Variants in SENP6 observed in about 807,000 individuals in gnomAD.
SENP6 encodes the protein sentrin-specific protease 6.
In SENP6, 41 loss-of-function variants were observed where a neutral mutation model predicts 134.5. The ratio of observed to expected loss-of-function variants is 0.30; its 90% CI spans 0.24 to 0.40. The LOEUF is 0.40. SENP6 is among the 10% of genes least tolerant of loss of function. SENP6 has a pLI of 1.00. For missense variants in SENP6, 1,248 were observed against 1,312.5 expected, an observed-to-expected ratio of 0.95 and a Z score of 0.76; for synonymous variants, 395 against 429.8, an observed-to-expected ratio of 0.92 and a Z score of 1.00.
In SENP6 at chr6:75,602,174, G is replaced by T; in HGVS notation, c.-351G>T. 1 of 246,070 alleles carries T rather than the reference G, an allele frequency of 4.1e-6. No individual in the cohort carries two copies. The highest frequency in any genetic ancestry group is 7.7e-6 in the Non-Finnish European group (1 of 129,478). 15.2% of individuals were successfully genotyped at this position (246,070 alleles called of 1,614,324 possible). A position where few individuals can be genotyped will look rare whatever the true frequency, so the allele number is the denominator to read the frequency against. On this transcript the variant is annotated 5_prime_UTR_variant, in exon 1 of 24. Transcript: ENST00000447266. Reference sequence around the variant, plus strand: ...TCTCCTTTCTTGGGAACCCACGGCTGGGGGAAGTTTCTCAGGCAGCCTGGG... The same window carrying T: ...TCTCCTTTCTTGGGAACCCACGGCTTGGGGAAGTTTCTCAGGCAGCCTGGG...
In SENP6 at chr6:75,705,924, CCTTTTT is replaced by C. The variant is rs1185906046; in HGVS notation, c.2716+2853_2716+2858del. ...AGTGAGTTAGAAAGCTATTTTTGAG[CCTTTTT>C]TTTTTTTTTTTTTTTTTTTTTTTTG... On this transcript the variant is annotated intron_variant, in intron 19 of 23. Coordinates refer to ENST00000447266, the MANE Select transcript of SENP6 (RefSeq NM_015571.4). Among the ~76,000 whole-genome samples the C allele has an allele frequency of 8.3e-4, 74 of 89,280 alleles. 7 individuals carry two copies. Among genetic ancestry groups the C allele is most frequent in the South Asian group, 7.0e-3 (19 of 2,724 alleles). The allele number at this position is 89,280 out of a possible 152,430, so 58.6% of individuals were successfully genotyped here.
At chr6:75,613,091 G>A (rs1025642828) in intron 1 of SENP6, among the ~76,000 whole-genome samples, 1 of 151,056 alleles carries the variant, frequency 6.6e-6, no homozygotes, top group African/African-American at 2.4e-5. Flanking sequence ...TCCAGCCTGC[G>A]TGACAGAGTG....
chr6:75,620,799 C>T (rs1272215868), intron 1 of SENP6: 1 of 152,236 alleles, frequency 6.6e-6, no homozygotes, highest in African/African-American at 2.4e-5. Context: ...CGTTGCCCTT[C>T]AGCTTGTCTG....
chr6:75,639,255 T>C (rs1025485487), intron 5 of SENP6, among the ~76,000 whole-genome samples: 1 of 152,242 alleles, frequency 6.6e-6, no homozygotes, highest in African/African-American at 2.4e-5. Flanking sequence ...GCTTCGCTTC[T>C]TTAATAGGGA....
At chr6:75,703,192 A>G in intron 19 of SENP6, 120 bp downstream of exon 19, 1 of 856,090 alleles carries the variant, frequency 1.2e-6, no homozygotes, top group Non-Finnish European at 1.8e-6. Flanking sequence ...GTGGTGGCTC[A>G]CGCTTATAAT....
intron 16 of SENP6, 76 bp downstream of exon 16, chr6:75,679,003 C>T (rs1298235734): frequency 4.0e-6 from 3 of 755,828 alleles, no homozygotes; most frequent in Non-Finnish European, 6.6e-6. Context: ...TTTCCAGAGT[C>T]AGGCTTTTTG....
chr6:75,638,616 ATATATATTTTTTTT>A (rs1353615024), intron 5 of SENP6, among the ~76,000 whole-genome samples: 54 of 35,748 alleles, frequency 1.5e-3, no homozygotes, highest in African/African-American at 4.2e-3. Context: ...ATATATATAT[ATATATATTTTTTTT>A]TTTTTTTTTT....
chr6:75,630,928 ATC>A (rs71753683), intron 3 of SENP6, among the ~76,000 whole-genome samples: 11,368 of 152,042 alleles, frequency 0.075, 499 homozygotes, highest in Non-Finnish European at 0.096. Flanking sequence ...GAAGAAGTAT[ATC>A]TCTGTACCGT....
intron 14 of SENP6, chr6:75,677,590 G>A (rs1773180114): frequency 5.7e-6 from 1 of 176,624 alleles, no homozygotes; most frequent in African/African-American, 2.4e-5. Flanking sequence ...AAATGGATTG[G>A]TTACCCTGTG....
rs72654730 is a variant in SENP6 at position 75,649,925 on chromosome 6, A to G, written c.550+2124A>G. ...CTTCCCTTAATGTTAGTATTTTATA[A>G]TCCTCGTACACTTAGCAAAACTAAG... On this transcript the variant is annotated intron_variant, in intron 7 of 23. Coordinates refer to ENST00000447266, the MANE Select transcript of SENP6 (RefSeq NM_015571.4). Among the ~76,000 whole-genome samples, 1,610 of 152,254 alleles carry G rather than the reference A, an allele frequency of 0.011. 60 individuals carry two copies. In the East Asian group the frequency reaches 0.14, roughly 13 times the overall value.
rs1554158087 is a variant in SENP6 at position 75,617,251 on chromosome 6, A to ATTTC, written c.53-4269_53-4266dup. Among the ~76,000 whole-genome samples, 663 of 127,824 alleles carry ATTTC rather than the reference A, an allele frequency of 5.2e-3. 8 individuals carry two copies. Among genetic ancestry groups the ATTTC allele is most frequent in the African/African-American group, 0.018 (633 of 34,782 alleles). The allele number at this position is 127,824 out of a possible 152,430, so 83.9% of individuals were successfully genotyped here. A position where few individuals can be genotyped will look rare whatever the true frequency, so the allele number is the denominator to read the frequency against. On this transcript the variant is annotated intron_variant, in intron 1 of 23. Transcript: ENST00000447266. ...AGAAGTTTCAATGATGGTTTGGAGA[A>ATTTC]TTTCTTTCTTTCTTTTTTTTTTTTT...
chr6:75,706,282 G>C (rs1230784632), intron 19 of SENP6, among the ~76,000 whole-genome samples: 3 of 152,042 alleles, frequency 2.0e-5, no homozygotes, highest in African/African-American at 7.2e-5. Context: ...TGGTTGTGAT[G>C]ATGGCTGTGC....
At chr6:75,700,966 G>A (rs780291313) in intron 18 of SENP6, among the ~76,000 whole-genome samples, 27 of 152,298 alleles carry the variant, frequency 1.8e-4, no homozygotes, top group South Asian at 1.0e-3. Context: ...GAACAGGAGA[G>A]AAGCAAGCTT....
intron 13 of SENP6, chr6:75,676,728 G>C (rs1403884163): frequency 2.4e-5 from 5 of 206,426 alleles, no homozygotes; most frequent in Admixed American, 5.4e-5. Flanking sequence ...ATATCTTTAA[G>C]ACTATAGATT....
intron 11 of SENP6, among the ~76,000 whole-genome samples, chr6:75,674,246 T>C (rs1772915108): frequency 6.7e-6 from 1 of 149,590 alleles, no homozygotes; most frequent in Non-Finnish European, 1.5e-5. Context: ...AACCTTGAAC[T>C]CCTAGGCACA....
At position 75,652,295 on chromosome 6, in the gene SENP6, G is replaced by A. The variant is rs547214253; in HGVS notation, c.550+4494G>A. ...CAAAGTGCTGGGATTACAGGCATGA[G>A]CCACCACGCCCAGCTGCAAATTTTT... On this transcript the variant is annotated intron_variant, in intron 7 of 23. Coordinates refer to ENST00000447266, the MANE Select transcript of SENP6 (RefSeq NM_015571.4). Among the ~76,000 whole-genome samples the A allele has an allele frequency of 2.0e-5, 3 of 152,046 alleles. No homozygotes were observed. In the South Asian group the frequency reaches 6.2e-4, roughly 32 times the overall value.
Position 75,678,943 on chromosome 6 carries a change from A to C in SENP6, c.2075+16A>C, listed in dbSNP as rs779743040. The C allele has an allele frequency of 8.8e-7, 1 of 1,139,894 alleles. No homozygotes were observed. Among genetic ancestry groups the C allele is most frequent in the South Asian group, 1.3e-5 (1 of 77,004 alleles). The allele number at this position is 1,139,894 out of a possible 1,614,324, so 70.6% of individuals were successfully genotyped here. ...TTTATTTGAAGTAAGTTAATTTTCC[A>C]CTGATCTTTTATTAAATCTTTAACA... On this transcript the variant is annotated intron_variant, in intron 16 of 23. Coordinates refer to ENST00000447266, the MANE Select transcript of SENP6 (RefSeq NM_015571.4).
chr6:75,613,468 A>G (rs905380629), intron 1 of SENP6, among the ~76,000 whole-genome samples: 4 of 152,212 alleles, frequency 2.6e-5, no homozygotes, highest in African/African-American at 9.7e-5. Flanking sequence ...ATATACATGC[A>G]CAAGGAAACA....
At chr6:75,618,819 C>T (rs556746615) in intron 1 of SENP6, among the ~76,000 whole-genome samples, 5 of 152,214 alleles carry the variant, frequency 3.3e-5, no homozygotes, top group African/African-American at 1.2e-4. Context: ...ACCTTGTTTC[C>T]ATCATCTACT....
Sources: allele counts gnomAD v4.1 joint callset (sites outside exome capture counted in the v4.1 genomes callset), GRCh38; gene constraint gnomAD v4.1.1; transcripts MANE v1.5; gene names NCBI Gene and HGNC (gene_info 2026-07-23, HGNC 2026-07-21).